The following PTP4A1 variants were observed in gnomAD, a reference collection of about 807,000 sequenced individuals.
The protein encoded by PTP4A1 is protein tyrosine phosphatase type IVA 1.
In PTP4A1, 9 loss-of-function variants were observed where a neutral mutation model predicts 20.5. That is an observed-to-expected ratio of 0.44 (90% CI 0.26 to 0.77). The LOEUF is 0.77. Among genes scored for constraint, PTP4A1 ranks in the 30% least tolerant of loss-of-function variants. PTP4A1 has a pLI of 0.19. For synonymous variants in PTP4A1, 78 were observed against 67.4 expected (o/e 1.16, Z -0.77); for missense variants, 137 against 218.8 (o/e 0.63, Z 2.36).
intron 2 of PTP4A1, among the ~76,000 whole-genome samples, chr6:63,537,853 G>A (rs151022684): frequency 7.2e-5 from 11 of 152,204 alleles, no homozygotes; most frequent in African/African-American, 9.7e-5. Flanking sequence ...AGAATCTGGC[G>A]AAAGGGCCAC....
At chr6:63,538,624 G>C (rs1562116297) in intron 2 of PTP4A1, among the ~76,000 whole-genome samples, 1 of 152,136 alleles carries the variant, frequency 6.6e-6, no homozygotes, top group African/African-American at 2.4e-5. Context: ...AAGAAAAAAA[G>C]AAGTTGAGAT....
chr6:63,578,467 G>T lies in PTP4A1; in HGVS notation c.136G>T (p.Val46Leu). The change falls in exon 3 of 6, where the codon GTA becomes TTA. Residue 46 changes from valine (V) to leucine (L), a missense_variant. Transcript: ENST00000626021. The stretch of plus-strand genomic sequence containing the variant: ...TAAGAAGTATGGAGTTACCACAATA[G>T]TAAGAGTATGTGAAGCAACTTATGA... ...ELKKYGVTTI[V>L]RVCEATYDTT... 6.2e-7 allele frequency: 1 copy of T among 1,610,118 alleles called. No homozygotes were observed. The highest frequency in any genetic ancestry group is 8.5e-7 in the Non-Finnish European group (1 of 1,178,828).
chr6:63,559,185 C>T (rs1776823382), intron 3 of PTP4A1, among the ~76,000 whole-genome samples: 1 of 152,104 alleles, frequency 6.6e-6, no homozygotes, highest in African/African-American at 2.4e-5. Context: ...AAATAACATG[C>T]TAATGAGGAA....
intron 2 of PTP4A1, among the ~76,000 whole-genome samples, chr6:63,540,686 T>TA (rs1268919258): frequency 6.6e-6 from 1 of 151,886 alleles, no homozygotes; most frequent in Non-Finnish European, 1.5e-5. Flanking sequence ...TCTATCACAA[T>TA]ACCATTTATG....
chr6:63,565,750 C>G (rs1185702181), intron 3 of PTP4A1, among the ~76,000 whole-genome samples: 1 of 152,094 alleles, frequency 6.6e-6, no homozygotes, highest in East Asian at 1.9e-4. Context: ...GTCTAAATTT[C>G]CCACAGAAAT....
rs538997593 is a variant in PTP4A1 at position 63,543,581 on chromosome 6, G to A, written c.-639-6719G>A. 5.6e-4 allele frequency among the ~76,000 whole-genome samples: 86 copies of A among 152,326 alleles called. No homozygotes were observed. In the Middle Eastern group the frequency reaches 0.01, roughly 18 times the overall value. On this transcript the variant is annotated intron_variant, in intron 2 of 3. Transcript: ENST00000639568. ...TGTATTCATAAGGCAGAGTGTTGAT[G>A]ATTGAATGTGAGGAAGGATATATCA... is the stretch of plus-strand genomic sequence containing the variant.
intron 3 of PTP4A1, among the ~76,000 whole-genome samples, chr6:63,551,744 T>A (rs922834814): frequency 6.8e-6 from 1 of 147,060 alleles, no homozygotes; most frequent in Non-Finnish European, 1.5e-5. Flanking sequence ...TGTCCATGTG[T>A]TCTCATTGTT....
intron 2 of PTP4A1, 70 bp downstream of exon 2, chr6:63,577,055 T>TA: frequency 8.0e-7 from 1 of 1,248,384 alleles, no homozygotes; most frequent in Non-Finnish European, 1.1e-6. Flanking sequence ...GCTAACAAAA[T>TA]AAAAACTACT....
upstream of PTP4A1, among the ~76,000 whole-genome samples, chr6:63,570,777 T>C (rs953613556): frequency 6.6e-6 from 1 of 152,224 alleles, no homozygotes; most frequent in African/African-American, 2.4e-5. Flanking sequence ...ATTATATACA[T>C]TGGCCAAGCT....
upstream of PTP4A1, chr6:63,572,370 G>C (rs1362685892): frequency 3.2e-6 from 1 of 310,480 alleles, no homozygotes; most frequent in African/African-American, 2.2e-5. Context: ...GAGGGGGCGG[G>C]CCTCCGCCCC....
chr6:63,549,970 C>A (rs768461208), intron 2 of PTP4A1, among the ~76,000 whole-genome samples: 1 of 152,050 alleles, frequency 6.6e-6, no homozygotes, highest in Non-Finnish European at 1.5e-5. Flanking sequence ...ATGTTCACAA[C>A]ATAAAGAAGT....
At position 63,561,004 on chromosome 6, in the gene PTP4A1, T is replaced by G. The variant is rs1428790157; in HGVS notation, c.-446+10511T>G. Among the ~76,000 whole-genome samples, 3 of 152,176 alleles carry G rather than the reference T, an allele frequency of 2.0e-5. No homozygotes were observed. In the East Asian group the frequency reaches 5.8e-4, roughly 29 times the overall value. ...TGGAAGGATGAAATATAAGCCCAAA[T>G]GCCAGTGCCTTTGTAATGGAATAAT... is the stretch of plus-strand genomic sequence containing the variant. On this transcript the variant is annotated intron_variant, in intron 3 of 3. Transcript: ENST00000639568.
upstream of PTP4A1, among the ~76,000 whole-genome samples, chr6:63,517,816 A>G (rs942363747): frequency 5.3e-5 from 8 of 152,110 alleles, no homozygotes; most frequent in African/African-American, 1.7e-4. Flanking sequence ...AAATGTCTCT[A>G]CTAGCGCAAC....
chr6:63,580,162 T>C lies in PTP4A1; in HGVS notation c.510T>C (p.Cys170=), dbSNP rs777163209. 7.5e-6 allele frequency: 12 copies of C among 1,610,452 alleles called. No individual in the cohort carries two copies. The highest frequency in any genetic ancestry group is 9.3e-6 in the Non-Finnish European group (11 of 1,176,976). ...FKDSNGHRNN[C]CIQ ...ATTCCAACGGTCATAGAAACAACTG[T>C]TGCATTCAATAAAATTGGGGTGCCT... The change falls in exon 6 of 6, where the codon TGT becomes TGC. Residue 170 remains cysteine, a synonymous_variant. Transcript: ENST00000626021.
chr6:63,580,208 T>C lies in PTP4A1; in HGVS notation c.*34T>C, dbSNP rs1221153968. ...TGCCTAATGCTACTGGAAGTGGAAC[T>C]TGAGATAGGGCCTAATTTGTTATAC... On this transcript the variant is annotated 3_prime_UTR_variant, in exon 6 of 6. Coordinates refer to ENST00000626021, the MANE Select transcript of PTP4A1 (RefSeq NM_003463.5). 1.3e-6 allele frequency: 2 copies of C among 1,486,168 alleles called. No individual in the cohort carries two copies. Among genetic ancestry groups the C allele is most frequent in the African/African-American group, 1.4e-5 (1 of 71,980 alleles). The allele number at this position is 1,486,168 out of a possible 1,614,324, so 92.1% of individuals were successfully genotyped here.
At chr6:63,570,999 A>C (rs1197194423), upstream of PTP4A1, 1 of 152,208 alleles carries the variant, frequency 6.6e-6, no homozygotes, top group Non-Finnish European at 1.5e-5. Context: ...TTAAGATTTT[A>C]AAGTCTTTAC....
chr6:63,539,295 T>C (rs1265806092), intron 2 of PTP4A1, among the ~76,000 whole-genome samples: 2 of 152,216 alleles, frequency 1.3e-5, no homozygotes, highest in East Asian at 3.8e-4. Flanking sequence ...AGTAATTCAA[T>C]AAGTATACTT....
chr6:63,549,292 A>T, intron 2 of PTP4A1: 1 of 754,176 alleles, frequency 1.3e-6, no homozygotes. Context: ...ACTTTCAGCC[A>T]CTTACAGAGG....
In PTP4A1 at chr6:63,580,395, A is replaced by G. The variant is rs899091126; in HGVS notation, c.*221A>G. ...GGCAAAAGATTCTTGCTGTCAGCAT[A>G]TAAAATGTGCTTGTCATTTGTATCA... is the stretch of plus-strand genomic sequence containing the variant. On this transcript the variant is annotated 3_prime_UTR_variant, in exon 6 of 6. Coordinates refer to ENST00000626021, the MANE Select transcript of PTP4A1 (RefSeq NM_003463.5). 7.5e-5 allele frequency: 36 copies of G among 480,544 alleles called. No individual in the cohort carries two copies. The highest frequency in any genetic ancestry group is 1.2e-4 in the Non-Finnish European group (33 of 266,136). 29.8% of individuals were successfully genotyped at this position (480,544 alleles called of 1,614,324 possible).
Sources: gnomAD v4.1 joint callset for allele counts (sites outside exome capture counted in the v4.1 genomes callset) on GRCh38, gnomAD v4.1.1 for gene constraint, MANE v1.5 for transcripts, NCBI Gene and HGNC (gene_info 2026-07-23, HGNC 2026-07-21) for gene names.